TOP6BL: variants seen among roughly 807,000 people sequenced by gnomAD.
TOP6BL encodes the protein type 2 DNA topoisomerase 6 subunit B-like.
At chr11:66,744,788 C>G in the TOP6BL span, 5 of 1,260,204 alleles carry the variant, frequency 4.0e-6, no homozygotes, top group African/African-American at 7.8e-5. Flanking sequence ...GGCGTGGGCA[C>G]TGGCGGAGTT....
the TOP6BL span, chr11:66,756,358 A>G: frequency 4.2e-6 from 5 of 1,183,332 alleles, no homozygotes; most frequent in Non-Finnish European, 5.4e-6. Context: ...CTCAGGATGG[A>G]GTCTCACTCT....
At chr11:66,756,981 G>A in the TOP6BL span, among the ~76,000 whole-genome samples, 1 of 146,612 alleles carries the variant, frequency 6.8e-6, no homozygotes, top group African/African-American at 2.5e-5. Flanking sequence ...AAAGTGCTGG[G>A]ATTACAGGTG....
the TOP6BL span, chr11:66,828,276 C>T: frequency 6.2e-7 from 1 of 1,613,332 alleles, no homozygotes; most frequent in Non-Finnish European, 8.5e-7. Context: ...GCAGCTGACA[C>T]ACAAGAGTTC....
the TOP6BL span, chr11:66,758,302 C>CTTTTTCTTTTTTT: frequency 1.5e-5 from 1 of 67,318 alleles, no homozygotes; most frequent in African/African-American, 7.1e-5. Context: ...TTTTCTTTTT[C>CTTTTTCTTTTTTT]TTTTTTTTTT....
the TOP6BL span, among the ~76,000 whole-genome samples, chr11:66,768,119 TC>T: frequency 6.6e-6 from 1 of 152,164 alleles, no homozygotes; most frequent in Non-Finnish European, 1.5e-5. Context: ...ACTTTTGTCC[TC>T]TTTGTTAATT....
chr11:66,841,109 C>G, the TOP6BL span, among the ~76,000 whole-genome samples: 3 of 130,024 alleles, frequency 2.3e-5, no homozygotes, highest in Admixed American at 2.3e-4. Context: ...AGAGGCCTCT[C>G]ATTTTTTTTT....
chr11:66,788,301 A>G, the TOP6BL span: 13 of 1,417,132 alleles, frequency 9.2e-6, no homozygotes, highest in African/African-American at 1.1e-4. Context: ...TAAATTACTA[A>G]TGATTTTATT....
At chr11:66,791,818 ATTTT>A in the TOP6BL span, among the ~76,000 whole-genome samples, 1 of 138,176 alleles carries the variant, frequency 7.2e-6, no homozygotes. Flanking sequence ...CTTTCTAATA[ATTTT>A]TTTTTTTTTT....
the TOP6BL span, chr11:66,821,789 T>C: frequency 1.2e-6 from 2 of 1,609,058 alleles, no homozygotes. Context: ...ACAGCCTCTT[T>C]TCTCCTATTC....
the TOP6BL span, among the ~76,000 whole-genome samples, chr11:66,765,172 C>T: frequency 6.6e-6 from 1 of 152,130 alleles, no homozygotes; most frequent in Admixed American, 6.5e-5. Context: ...GTTTTATTAT[C>T]ATTGTTACTC....
the TOP6BL span, among the ~76,000 whole-genome samples, chr11:66,747,030 G>A: frequency 4.0e-5 from 6 of 151,694 alleles, no homozygotes; most frequent in East Asian, 5.8e-4. Flanking sequence ...TCCACCTCCC[G>A]AGTTCAAGCA....
the TOP6BL span, chr11:66,828,172 C>T: frequency 1.3e-6 from 1 of 767,694 alleles, no homozygotes; most frequent in East Asian, 2.7e-5. Flanking sequence ...CTACTGTCTG[C>T]CTCCTCATCT....
At chr11:66,745,280 G>A in the TOP6BL span, among the ~76,000 whole-genome samples, 1 of 147,544 alleles carries the variant, frequency 6.8e-6, no homozygotes, top group African/African-American at 2.5e-5. Context: ...AAGAAGGAAA[G>A]GAATGGGGCA....
chr11:66,784,224 A>G, the TOP6BL span, among the ~76,000 whole-genome samples: 6 of 152,126 alleles, frequency 3.9e-5, no homozygotes, highest in Non-Finnish European at 7.4e-5. Context: ...TAGTAGAGAC[A>G]GAGTTTCACT....
the TOP6BL span, among the ~76,000 whole-genome samples, chr11:66,787,732 A>AG: frequency 6.6e-6 from 1 of 151,816 alleles, no homozygotes; most frequent in East Asian, 1.9e-4. Flanking sequence ...AAAAAAAAAA[A>AG]AAGGTACATG....
the TOP6BL span, chr11:66,804,170 A>G: frequency 6.2e-7 from 1 of 1,611,184 alleles, no homozygotes. Context: ...CAACCAGCTT[A>G]ACAGGATTTC....
the TOP6BL span, among the ~76,000 whole-genome samples, chr11:66,753,146 A>G: frequency 6.6e-6 from 1 of 151,970 alleles, no homozygotes; most frequent in Non-Finnish European, 1.5e-5. Flanking sequence ...AAATATATAT[A>G]TATCAGTGGC....
At chr11:66,760,625 CAAAAAAAAAAAAA>C in the TOP6BL span, among the ~76,000 whole-genome samples, 66 of 54,152 alleles carry the variant, frequency 1.2e-3, 1 homozygote, top group African/African-American at 5.7e-3. Context: ...CCCATCTTTA[CAAAAAAAAAAAAA>C]AAAAAAAAAA....
At chr11:66,744,834 CGGCGGCGGCG>C in the TOP6BL span, 2 of 1,326,684 alleles carry the variant, frequency 1.5e-6, no homozygotes, top group Admixed American at 3.4e-5. Flanking sequence ...GCGGCGGCGG[CGGCGGCGGCG>C]GGCGGGTACC....
Sources: gnomAD v4.1 joint callset for allele counts (sites outside exome capture counted in the v4.1 genomes callset) on GRCh38, gnomAD v4.1.1 for gene constraint, MANE v1.5 for transcripts, NCBI Gene and HGNC (gene_info 2026-07-23, HGNC 2026-07-21) for gene names.